Variants in HELZ observed in about 807,000 individuals in gnomAD.
HELZ encodes helicase with zinc finger.
A neutral mutation model predicts 218.2 loss-of-function variants in HELZ; 23 were observed. That is an observed-to-expected ratio of 0.11 (90% CI 0.08 to 0.15). The LOEUF (loss-of-function observed/expected upper bound fraction) is 0.15, where lower values mean the gene tolerates loss of function less well. Among genes scored for constraint, HELZ ranks in the 10% least tolerant of loss-of-function variants. The probability of loss-of-function intolerance (pLI) is 1.00; values close to 1 mark genes in which losing one functional copy is unlikely to be tolerated. For missense variants in HELZ, 1,813 were observed against 2,353.7 expected (o/e 0.77, Z 4.75); for synonymous variants, 814 against 829.4 (o/e 0.98, Z 0.32).
chr17:67,216,049 C>T, intron 4 of HELZ, 114 bp from the exon 5 acceptor site: 1 of 707,748 alleles, frequency 1.4e-6, no homozygotes, highest in Non-Finnish European at 2.6e-6. Flanking sequence ...ATGTTGTAAA[C>T]TTACTATTCA....
At chr17:67,210,171 C>T (rs2040414677) in intron 5 of HELZ, among the ~76,000 whole-genome samples, 1 of 152,190 alleles carries the variant, frequency 6.6e-6, no homozygotes, top group African/African-American at 2.4e-5. Context: ...CTGTAGTGAG[C>T]TATAATCACG....
intron 32 of HELZ, 81 bp downstream of exon 32, chr17:67,086,748 C>G: frequency 6.9e-7 from 1 of 1,442,966 alleles, no homozygotes; most frequent in Non-Finnish European, 9.6e-7. Context: ...AAATTGGGGG[C>G]AGGTGGTATA....
At chr17:67,123,891 C>T (rs2037700476) in intron 25 of HELZ, 72 bp downstream of exon 25, 1 of 1,007,022 alleles carries the variant, frequency 9.9e-7, no homozygotes, top group Non-Finnish European at 1.6e-6. Flanking sequence ...CCTCCTCTTT[C>T]TTGTGGTGAA....
Position 67,160,284 on chromosome 17 carries a change from G to A in HELZ, c.2154C>T (p.Gly718=). The A allele has an allele frequency of 6.2e-7, 1 of 1,608,626 alleles. No homozygotes were observed. Among genetic ancestry groups the A allele is most frequent in the Non-Finnish European group, 8.5e-7 (1 of 1,175,398 alleles). ...KDYLHPYVEA[G]NPQARPLRVY... is the part of the protein sequence containing the mutation. ...ACCTGAGAGGTCTTGCCTGGGGATT[G>A]CCTGCTTCTACATATGGATGTAAAT... Residue 718 remains glycine (G), a synonymous_variant, in exon 17 of 33, where the codon GGC becomes GGT. Transcript: ENST00000358691.
intron 31 of HELZ, among the ~76,000 whole-genome samples, chr17:67,091,253 T>C (rs1013034239): frequency 1.3e-5 from 2 of 151,912 alleles, no homozygotes; most frequent in African/African-American, 2.4e-5. Context: ...CAAATAATAA[T>C]ATTCAAAGTG....
chr17:67,217,662 C>T (rs1368759394), intron 4 of HELZ, among the ~76,000 whole-genome samples: 1 of 152,182 alleles, frequency 6.6e-6, no homozygotes, highest in East Asian at 1.9e-4. Flanking sequence ...CTCCTAGCTG[C>T]TACTCAAGCA....
intron 3 of HELZ, among the ~76,000 whole-genome samples, chr17:67,221,215 T>C (rs556387177): frequency 2.0e-5 from 3 of 152,344 alleles, no homozygotes; most frequent in Non-Finnish European, 2.9e-5. Context: ...TGTAGGTTAT[T>C]GAGCAGTCAT....
At position 67,074,417 on chromosome 17, in the gene HELZ, A is replaced by G. The variant is rs2035967679; in HGVS notation, c.*3835T>C. ...AATGCTATAGAAGGTGTCTGTTTTT[A>G]AATGAGTATTTCAGTAAGTCTAATT... is the stretch of plus-strand genomic sequence containing the variant. On this transcript the variant is annotated 3_prime_UTR_variant, in exon 33 of 33. Coordinates refer to ENST00000358691, the MANE Select transcript of HELZ (RefSeq NM_014877.4). 6.6e-6 allele frequency: 1 copy of G among 152,210 alleles called. No individual in the cohort carries two copies. The highest frequency in any genetic ancestry group is 2.1e-4 in the South Asian group (1 of 4,832). The allele number at this position is 152,210 out of a possible 1,614,324, so 9.4% of individuals were successfully genotyped here.
At position 67,070,684 on chromosome 17, in the gene HELZ, G is replaced by A. The variant is rs767561687; in HGVS notation, c.*7568C>T. ...ATAAAAACCCTAGAGAGTGGCTTTG[G>A]GGTTATTTTATGGTACAAAGTCACT... is the stretch of plus-strand genomic sequence containing the variant. On this transcript the variant is annotated 3_prime_UTR_variant, in exon 33 of 33. Coordinates refer to ENST00000358691, the MANE Select transcript of HELZ (RefSeq NM_014877.4). The A allele has an allele frequency of 1.3e-5, 2 of 152,022 alleles. No individual in the cohort carries two copies. Among genetic ancestry groups the A allele is most frequent in the Non-Finnish European group, 2.9e-5 (2 of 68,014 alleles). 9.4% of individuals were successfully genotyped at this position (152,022 alleles called of 1,614,324 possible).
chr17:67,209,187 T>C (rs1469991855), intron 5 of HELZ, among the ~76,000 whole-genome samples: 2 of 151,726 alleles, frequency 1.3e-5, no homozygotes, highest in Non-Finnish European at 2.9e-5. Context: ...ACCACACTAA[T>C]ATTATAATTA....
chr17:67,086,631 AATAT>A (rs71139116), intron 32 of HELZ, among the ~76,000 whole-genome samples, 194 bp downstream of exon 32: 4,198 of 93,154 alleles, frequency 0.045, 142 homozygotes, highest in Non-Finnish European at 0.059. Context: ...TATAAATATA[AATAT>A]ATATATATAT....
intron 13 of HELZ, among the ~76,000 whole-genome samples, chr17:67,170,403 T>C (rs1200230149): frequency 3.3e-5 from 5 of 152,114 alleles, no homozygotes; most frequent in Admixed American, 3.3e-4. Flanking sequence ...TAATCCCGGC[T>C]ACTTGGGAGG....
intron 27 of HELZ, among the ~76,000 whole-genome samples, chr17:67,118,687 A>C (rs1480400343): frequency 2.1e-5 from 3 of 145,680 alleles, no homozygotes; most frequent in East Asian, 4.0e-4. Flanking sequence ...TCTGTCTTTA[A>C]AAGGCAAAAA....
chr17:67,136,773 G>T (rs557308011), intron 22 of HELZ, among the ~76,000 whole-genome samples: 1 of 152,258 alleles, frequency 6.6e-6, no homozygotes, highest in South Asian at 2.1e-4. Context: ...ATGTAGAAGG[G>T]TGACTGCCAG....
chr17:67,124,035 G>C, intron 24 of HELZ, 21 bp from the exon 25 acceptor site: 1 of 1,489,448 alleles, frequency 6.7e-7, no homozygotes, highest in Non-Finnish European at 9.4e-7. Flanking sequence ...AAACACAAAT[G>C]TATAATAATT....
At chr17:67,228,961 G>A (rs1477414791) in intron 3 of HELZ, among the ~76,000 whole-genome samples, 8 of 151,892 alleles carry the variant, frequency 5.3e-5, no homozygotes, top group South Asian at 2.1e-4. Flanking sequence ...CAGGTGATCC[G>A]CCCGCCTCGG....
At chr17:67,090,643 T>C (rs1252979721) in intron 31 of HELZ, among the ~76,000 whole-genome samples, 1 of 152,152 alleles carries the variant, frequency 6.6e-6, no homozygotes, top group Admixed American at 6.5e-5. Context: ...TCATTTTATC[T>C]ATGTTGCTGA....
chr17:67,124,533 A>G (rs2143849843), intron 24 of HELZ, among the ~76,000 whole-genome samples: 1 of 152,280 alleles, frequency 6.6e-6, no homozygotes, highest in East Asian at 1.9e-4. Flanking sequence ...AAAAACAAAA[A>G]CAGGAAAAGG....
At chr17:67,224,128 T>C (rs2040827955) in intron 3 of HELZ, among the ~76,000 whole-genome samples, 1 of 152,174 alleles carries the variant, frequency 6.6e-6, no homozygotes, top group African/African-American at 2.4e-5. Flanking sequence ...AATCCGAGCC[T>C]CACAGCCCTG....
Sources: gnomAD v4.1 joint callset for allele counts (sites outside exome capture counted in the v4.1 genomes callset) on GRCh38, gnomAD v4.1.1 for gene constraint, MANE v1.5 for transcripts, NCBI Gene and HGNC (gene_info 2026-07-23, HGNC 2026-07-21) for gene names.